Variants in PRAMEF11 observed in about 807,000 individuals in gnomAD.
PRAMEF11 encodes the protein PRAME family member 11.
In PRAMEF11, 17 loss-of-function variants were observed where a neutral mutation model predicts 33.6. The ratio of observed to expected loss-of-function variants is 0.51; its 90% CI spans 0.35 to 0.76. PRAMEF11 has a LOEUF of 0.76. Ranked by LOEUF, PRAMEF11 falls within the 30% of genes least tolerant of loss-of-function variation. The pLI, the probability that PRAMEF11 is intolerant of heterozygous loss-of-function variation, is 0.01. For missense variants in PRAMEF11, 568 were observed against 567.0 expected, an observed-to-expected ratio of 1.00 and a Z score of -0.02; for synonymous variants, 205 against 227.3, an observed-to-expected ratio of 0.90 and a Z score of 0.88.
At chr1:12,825,897 C>T (rs1471961991) in intron 3 of PRAMEF11, among the ~76,000 whole-genome samples, 1 of 149,970 alleles carries the variant, frequency 6.7e-6, no homozygotes. Context: ...TCGCTTGAAC[C>T]CAGGAGGTGT....
In PRAMEF11 at chr1:12,828,189, T is replaced by C. The variant is rs547684556; in HGVS notation, c.293+308A>G. On this transcript the variant is annotated intron_variant, in intron 2 of 3. Coordinates refer to ENST00000619922, the MANE Select transcript of PRAMEF11 (RefSeq NM_001146344.3). ...TTAGTAGAGTTGGGGTTTACCATGTTGGACAGGCTGGCCTCCAACTCTTGA... is the reference window on the plus strand; with the variant it reads ...TTAGTAGAGTTGGGGTTTACCATGTCGGACAGGCTGGCCTCCAACTCTTGA... 2.2e-3 allele frequency among the ~76,000 whole-genome samples: 317 copies of C among 147,030 alleles called. 8 individuals are homozygous for C. The highest frequency in any genetic ancestry group is 7.6e-3 in the African/African-American group (299 of 39,494).
intron 1 of PRAMEF11, among the ~76,000 whole-genome samples, chr1:12,830,763 T>A (rs1291304465): frequency 6.7e-6 from 1 of 149,456 alleles, no homozygotes; most frequent in Non-Finnish European, 1.5e-5. Context: ...CCAAGGCAGG[T>A]GGATCACTTG....
chr1:12,827,687 C>G lies in PRAMEF11; in HGVS notation c.437G>C (p.Arg146Pro). The stretch of plus-strand genomic sequence containing the variant: ...TTCTACAAACACAGTCAAGGGCTGC[C>G]GTCCTCTCATCCTTGGACAGTCCTG... ...PVQDCPRMRG[R>P]QPLTVFVELW... Residue 146 changes from arginine (R) to proline (P), a missense_variant, in exon 3 of 4, where the codon CGG becomes CCG. This residue lies in a region of PRAMEF11 where 342 missense variants were observed against 312.0 expected (regional missense o/e 1.10). Transcript: ENST00000619922. The G allele has an allele frequency of 6.2e-7, 1 of 1,609,488 alleles. No individual in the cohort carries two copies. Among genetic ancestry groups the G allele is most frequent in the Non-Finnish European group, 8.5e-7 (1 of 1,177,638 alleles).
At chr1:12,826,229 A>G (rs1639861846) in intron 3 of PRAMEF11, among the ~76,000 whole-genome samples, 1 of 150,960 alleles carries the variant, frequency 6.6e-6, no homozygotes. Context: ...CAAACCATCT[A>G]TCACTTTCAT....
intron 3 of PRAMEF11, among the ~76,000 whole-genome samples, chr1:12,826,070 C>T (rs1484910050): frequency 1.3e-5 from 2 of 150,540 alleles, no homozygotes; most frequent in South Asian, 2.2e-4. Context: ...CTAAAGCTCC[C>T]TTTCCTCATC....
intron 3 of PRAMEF11, among the ~76,000 whole-genome samples, chr1:12,826,795 T>C (rs2100340312): frequency 6.7e-6 from 1 of 148,932 alleles, no homozygotes; most frequent in South Asian, 2.1e-4. Context: ...GATTTTACTT[T>C]TATTTATTCA....
At position 12,827,900 on chromosome 1, in the gene PRAMEF11, T is replaced by G. The variant is rs529282983; in HGVS notation, c.294-70A>C. The G allele has an allele frequency of 4.7e-4, 746 of 1,594,630 alleles. 14 individuals carry two copies. Among genetic ancestry groups the G allele is most frequent in the Admixed American group, 1.3e-3 (79 of 59,462 alleles). Reference sequence around the variant, plus strand: ...CTGAACTTAAACTCCACATCCTGCATAGCAGCTCCTCCCCTCCCTGCTTGT... The same window carrying G: ...CTGAACTTAAACTCCACATCCTGCAGAGCAGCTCCTCCCCTCCCTGCTTGT... On this transcript the variant is annotated intron_variant, in intron 2 of 3. Coordinates refer to ENST00000619922, the MANE Select transcript of PRAMEF11 (RefSeq NM_001146344.3).
At chr1:12,826,361 C>A (rs1214541609) in intron 3 of PRAMEF11, among the ~76,000 whole-genome samples, 1 of 151,126 alleles carries the variant, frequency 6.6e-6, no homozygotes, top group Non-Finnish European at 1.5e-5. Context: ...CATTCATGTT[C>A]ACCAAACTGT....
rs528307754 is a variant in PRAMEF11, at chr1:12,829,817, G to C, written c.-16-1012C>G. ...GAACCCAGGAGGCAGAAGTTGCAGTGAGCTGACATTATACCACTCCACTCC... is the reference window on the plus strand; with the variant it reads ...GAACCCAGGAGGCAGAAGTTGCAGTCAGCTGACATTATACCACTCCACTCC... On this transcript the variant is annotated intron_variant, in intron 1 of 3. Coordinates refer to ENST00000619922, the MANE Select transcript of PRAMEF11 (RefSeq NM_001146344.3). Among the ~76,000 whole-genome samples, 26 of 151,212 alleles carry C rather than the reference G, an allele frequency of 1.7e-4. 1 individual carries two copies. The highest frequency in any genetic ancestry group is 6.3e-4 in the African/African-American group (26 of 41,350).
In PRAMEF11 at chr1:12,827,249, C is replaced by CT. The variant is rs1179478619; in HGVS notation, c.874dup (p.Ser292LysfsTer14). On this transcript the variant is annotated frameshift_variant and splice_region_variant, in exon 3 of 4. Coordinates refer to ENST00000619922, the MANE Select transcript of PRAMEF11 (RefSeq NM_001146344.3). LOFTEE classifies it high-confidence loss of function. ...GAGAAAGCTCACCACCCTCCCTCAC[C>CT]TGAGCAGCTGGTCCAGGTGGCCTTC... 1 of 1,596,066 alleles carries CT rather than the reference C, an allele frequency of 6.3e-7. No individual in the cohort carries two copies. Among genetic ancestry groups the CT allele is most frequent in the Non-Finnish European group, 8.5e-7 (1 of 1,175,748 alleles).
chr1:12,825,200 G>C lies in PRAMEF11; in HGVS notation c.1179C>G (p.Cys393Trp), dbSNP rs1435032986. 5.0e-6 allele frequency: 8 copies of C among 1,608,004 alleles called. No individual in the cohort carries two copies. The Admixed American group carries it at 1.3e-4, about 27-fold the overall frequency. Reference sequence around the variant, plus strand: ...TCAGCAGGTTCTCCAGGGTGGCCATGCAGATGGGATTTCCACAGAAGCTGA... The same window carrying C: ...TCAGCAGGTTCTCCAGGGTGGCCATCCAGATGGGATTTCCACAGAAGCTGA... ...NTFSFCGNPI[C>W]MATLENLLSH... Residue 393 changes from cysteine to tryptophan, a missense_variant, in exon 4 of 4, where the codon TGC becomes TGG. By Grantham distance (215) the Cys-to-Trp change is radical. Coordinates refer to ENST00000619922, the MANE Select transcript of PRAMEF11 (RefSeq NM_001146344.3).
rs1159879031 is a variant in PRAMEF11 at position 12,824,733 on chromosome 1, G to C, written c.*209C>G. The C allele has an allele frequency of 1.3e-6, 1 of 759,572 alleles. No individual in the cohort carries two copies. The highest frequency in any genetic ancestry group is 2.1e-6 in the Non-Finnish European group (1 of 481,368). 47.1% of individuals were successfully genotyped at this position (759,572 alleles called of 1,614,324 possible). A position where few individuals can be genotyped will look rare whatever the true frequency, so the allele number is the denominator to read the frequency against. On this transcript the variant is annotated 3_prime_UTR_variant, in exon 4 of 4. Transcript: ENST00000619922. Reference sequence around the variant, plus strand: ...TCAGATTCCCATTTTCGACTCTACAGGATACAGGTTCCCAAAGTCCCATTG... The same window carrying C: ...TCAGATTCCCATTTTCGACTCTACACGATACAGGTTCCCAAAGTCCCATTG...
At chr1:12,829,547 T>C (rs1200983396) in intron 1 of PRAMEF11, among the ~76,000 whole-genome samples, 1 of 151,276 alleles carries the variant, frequency 6.6e-6, no homozygotes, top group East Asian at 2.0e-4. Context: ...ACCACAGTTA[T>C]GCATCACCAC....
At position 12,828,756 on chromosome 1, in the gene PRAMEF11, G is replaced by T. The variant is rs536003862; in HGVS notation, c.34C>A (p.Leu12Met). The change falls in exon 2 of 4, where the codon CTG becomes ATG. Residue 12 changes from leucine (L) to methionine (M), a missense_variant. By Grantham distance (15) the Leu-to-Met change is conservative. Around this residue, in one of 3 missense-constraint regions of PRAMEF11, gnomAD observed 342 missense variants for 312.0 expected, o/e 1.10. Transcript: ENST00000619922. ...KMSIRIPPRL[L>M]ELAGRSLLRD... ...AGCAGGCTCCGCCCCGCAAGCTCCA[G>T]GAGTCTGGGTGGAATCCGGATGCTC... 2.7e-4 allele frequency: 433 copies of T among 1,609,934 alleles called. 8 individuals are homozygous for T. In the African/African-American group the frequency reaches 5.4e-3, roughly 20 times the overall value.
chr1:12,826,011 TGA>T (rs1243408563), intron 3 of PRAMEF11, among the ~76,000 whole-genome samples: 1 of 148,874 alleles, frequency 6.7e-6, no homozygotes, highest in African/African-American at 2.5e-5. Flanking sequence ...CATTTCAGGC[TGA>T]GTCATTTCAC....
intron 2 of PRAMEF11, among the ~76,000 whole-genome samples, 163 bp from the exon 3 acceptor site, chr1:12,827,993 G>GT (rs35409208): frequency 0.38 from 54,116 of 143,788 alleles, 10,674 homozygotes; most frequent in African/African-American, 0.47. Flanking sequence ...ACATTTTTTT[G>GT]TTTTTTTTTT....
Position 12,825,357 on chromosome 1 carries a change from A to G in PRAMEF11, c.1022T>C (p.Val341Ala). Residue 341 changes from valine to alanine, a missense_variant, in exon 4 of 4, where the codon GTG becomes GCG. This residue lies in a region of PRAMEF11 where 52 missense variants were observed against 127.8 expected (regional missense o/e 0.41). Transcript: ENST00000619922. ...SGIRLTNYSL[V>A]PLQILLEKVA... Reference sequence around the variant, plus strand: ...TTTTTCTAGGAGAATTTGGAGAGGCACAAGACTGTAATTGGTCAGTCTGAT... The same window carrying G: ...TTTTTCTAGGAGAATTTGGAGAGGCGCAAGACTGTAATTGGTCAGTCTGAT... 3 of 1,559,036 alleles carry G rather than the reference A, an allele frequency of 1.9e-6. No individual in the cohort carries two copies. The highest frequency in any genetic ancestry group is 2.6e-6 in the Non-Finnish European group (3 of 1,144,802).
At chr1:12,826,837 A>C (rs1304900640) in intron 3 of PRAMEF11, among the ~76,000 whole-genome samples, 2 of 151,118 alleles carry the variant, frequency 1.3e-5, no homozygotes, top group East Asian at 2.0e-4. Context: ...TGTTACCCAG[A>C]CTGCTCTTAA....
chr1:12,831,040 A>T (rs1639995586), intron 1 of PRAMEF11, among the ~76,000 whole-genome samples: 1 of 148,180 alleles, frequency 6.7e-6, no homozygotes, highest in Non-Finnish European at 1.5e-5. Flanking sequence ...GGCTTTTGTC[A>T]TGTTGCCCAG....
Sources: gnomAD v4.1 joint callset for allele counts (sites outside exome capture counted in the v4.1 genomes callset) on GRCh38, gnomAD v4.1.1 for gene constraint, gnomAD v4.1.1 regional missense constraint, MANE v1.5 for transcripts, NCBI Gene and HGNC (gene_info 2026-07-23, HGNC 2026-07-21) for gene names.